Variants in OTOP1 observed in about 807,000 individuals in gnomAD.
The protein encoded by OTOP1 is proton channel OTOP1.
Under a neutral mutation model 52.9 loss-of-function variants are expected in OTOP1, and 59 were observed. That is an observed-to-expected ratio of 1.12 (90% confidence interval 0.91 to 1.39). OTOP1 has a LOEUF of 1.39. OTOP1 is among the 40% of genes most tolerant of loss of function. The pLI is 0.00. For missense variants in OTOP1, 761 were observed against 800.9 expected (o/e 0.95, Z 0.60); for synonymous variants, 317 against 337.7 (o/e 0.94, Z 0.67).
At chr4:4,215,472 A>G (rs1365444480) in intron 1 of OTOP1, among the ~76,000 whole-genome samples, 2 of 151,962 alleles carry the variant, frequency 1.3e-5, no homozygotes, top group Admixed American at 1.3e-4. Context: ...GAGCAGCCTG[A>G]CCAATGTGGA....
At position 4,226,719 on chromosome 4, in the gene OTOP1, A is replaced by G. The variant is rs1230120375; in HGVS notation, c.146T>C (p.Val49Ala). The G allele has an allele frequency of 4.2e-6, 6 of 1,412,466 alleles. No individual in the cohort carries two copies. The highest frequency in any genetic ancestry group is 1.5e-5 in the African/African-American group (1 of 67,164). The allele number at this position is 1,412,466 out of a possible 1,614,324, so 87.5% of individuals were successfully genotyped here. ...PESPAPRRGGVRASVPQKLAE... is the reference protein window; with the variant it reads ...PESPAPRRGGARASVPQKLAE... ...CAGTTTCTGTGGGACGCTGGCGCGC[A>G]CACCGCCCCGCCGGGGGGCCGGGGA... The change falls in exon 1 of 6, where the codon GTG becomes GCG. Residue 49 changes from valine to alanine, a missense_variant. Transcript: ENST00000296358.
chr4:4,199,665 C>T (rs899522661), intron 4 of OTOP1, among the ~76,000 whole-genome samples: 19 of 152,128 alleles, frequency 1.2e-4, no homozygotes, highest in African/African-American at 3.6e-4. Flanking sequence ...CGCCTGCCTC[C>T]GCCTCCCAAA....
chr4:4,216,468 G>A (rs1717154298), intron 1 of OTOP1, among the ~76,000 whole-genome samples: 1 of 152,188 alleles, frequency 6.6e-6, no homozygotes, highest in East Asian at 1.9e-4. Context: ...TTAAGGCACT[G>A]AGCAGAGAGG....
chr4:4,211,381 T>C (rs1252691820), intron 2 of OTOP1, among the ~76,000 whole-genome samples: 1 of 151,988 alleles, frequency 6.6e-6, no homozygotes, highest in Non-Finnish European at 1.5e-5. Context: ...AGGAAGAAAA[T>C]AATCATTGTG....
intron 1 of OTOP1, among the ~76,000 whole-genome samples, chr4:4,215,197 T>C (rs1234024899): frequency 6.6e-6 from 1 of 152,226 alleles, no homozygotes; most frequent in East Asian, 1.9e-4. Flanking sequence ...CTGTTCATCA[T>C]TGTACTCACC....
At position 4,213,453 on chromosome 4, in the gene OTOP1, A is replaced by G. The variant is rs535273303; in HGVS notation, c.404-449T>C. Among the ~76,000 whole-genome samples the G allele has an allele frequency of 5.8e-3, 887 of 152,358 alleles. 12 individuals are homozygous for G. The highest frequency in any genetic ancestry group is 0.02 in the African/African-American group (832 of 41,576). On this transcript the variant is annotated intron_variant, in intron 1 of 5. Coordinates refer to ENST00000296358, the MANE Select transcript of OTOP1 (RefSeq NM_177998.3). Reference sequence around the variant, plus strand: ...GACACTACCAACGAAGCGGAAAGACAGCCCACAGAACTGGAGAAAACATTA... The same window carrying G: ...GACACTACCAACGAAGCGGAAAGACGGCCCACAGAACTGGAGAAAACATTA...
In OTOP1 at chr4:4,213,329, G is replaced by T. The variant is rs565110931; in HGVS notation, c.404-325C>A. Reference sequence around the variant, plus strand: ...CATGGGAGAAAGCTTCATGACATTGGCTTTGGCAATAATTTCTTGGCTATG... The same window carrying T: ...CATGGGAGAAAGCTTCATGACATTGTCTTTGGCAATAATTTCTTGGCTATG... On this transcript the variant is annotated intron_variant, in intron 1 of 5. Coordinates refer to ENST00000296358, the MANE Select transcript of OTOP1 (RefSeq NM_177998.3). 3.9e-5 allele frequency among the ~76,000 whole-genome samples: 6 copies of T among 152,228 alleles called. No individual in the cohort carries two copies. The East Asian group carries it at 1.2e-3, about 29-fold the overall frequency.
intron 1 of OTOP1, among the ~76,000 whole-genome samples, chr4:4,223,115 A>G (rs1173050968): frequency 6.6e-6 from 1 of 152,176 alleles, no homozygotes; most frequent in Non-Finnish European, 1.5e-5. Context: ...CAACTCACTG[A>G]ATGTCTAAAC....
intron 3 of OTOP1, among the ~76,000 whole-genome samples, chr4:4,204,534 C>T (rs1716855094): frequency 6.6e-6 from 1 of 152,150 alleles, no homozygotes; most frequent in Non-Finnish European, 1.5e-5. Flanking sequence ...GCCACGCAAG[C>T]TCCCTGCAAG....
intron 4 of OTOP1, 29 bp from the exon 5 acceptor site, chr4:4,198,132 G>A: frequency 6.4e-7 from 1 of 1,571,926 alleles, no homozygotes; most frequent in East Asian, 2.2e-5. Flanking sequence ...TCACACAGGA[G>A]GGCGATTAGC....
intron 4 of OTOP1, among the ~76,000 whole-genome samples, chr4:4,199,389 G>A (rs3097980): frequency 2.6e-5 from 4 of 151,072 alleles, no homozygotes. Flanking sequence ...TTTATGGTTT[G>A]GGGTATTTTG....
At chr4:4,226,256 G>C (rs995613260) in intron 1 of OTOP1, among the ~76,000 whole-genome samples, 1 of 151,666 alleles carries the variant, frequency 6.6e-6, no homozygotes, top group Non-Finnish European at 1.5e-5. Flanking sequence ...TCTGGAGGCG[G>C]AGAGGAGGCT....
At chr4:4,213,731 G>C (rs188111658) in intron 1 of OTOP1, among the ~76,000 whole-genome samples, 2 of 152,008 alleles carry the variant, frequency 1.3e-5, no homozygotes. Flanking sequence ...ATGCTGGGTC[G>C]CTTCCACCTT....
At chr4:4,201,058 C>T (rs532765826) in intron 4 of OTOP1, among the ~76,000 whole-genome samples, 35 of 152,238 alleles carry the variant, frequency 2.3e-4, no homozygotes, top group Admixed American at 6.5e-4. Flanking sequence ...AATCATGGCT[C>T]GATCACGTGT....
At chr4:4,216,026 T>A (rs1157759234) in intron 1 of OTOP1, among the ~76,000 whole-genome samples, 1 of 152,078 alleles carries the variant, frequency 6.6e-6, no homozygotes, top group Non-Finnish European at 1.5e-5. Context: ...CTTAAACTCC[T>A]GGCCTCAAGT....
At position 4,191,177 on chromosome 4, in the gene OTOP1, C is replaced by T. The variant is rs370775555; in HGVS notation, c.1669-2204G>A. Among the ~76,000 whole-genome samples the T allele has an allele frequency of 9.5e-4, 144 of 152,240 alleles. 6 individuals are homozygous for T. The South Asian group carries it at 0.027, about 28-fold the overall frequency. On this transcript the variant is annotated intron_variant, in intron 5 of 5. Coordinates refer to ENST00000296358, the MANE Select transcript of OTOP1 (RefSeq NM_177998.3). ...CCTCCTACTCTCATAACCATGCCCC[C>T]TCCCATCCAGTCCATCAGCGCATCT... is the stretch of plus-strand genomic sequence containing the variant.
intron 3 of OTOP1, among the ~76,000 whole-genome samples, chr4:4,204,357 G>A (rs898866539): frequency 3.9e-5 from 6 of 152,086 alleles, no homozygotes; most frequent in East Asian, 1.9e-4. Flanking sequence ...TTTGACAAAC[G>A]CAGACAATGC....
At position 4,218,195 on chromosome 4, in the gene OTOP1, G is replaced by A. The variant is rs1356947283; in HGVS notation, c.404-5191C>T. Among the ~76,000 whole-genome samples, 7 of 151,612 alleles carry A rather than the reference G, an allele frequency of 4.6e-5. No individual in the cohort carries two copies. The South Asian group carries it at 1.5e-3, about 32-fold the overall frequency. On this transcript the variant is annotated intron_variant, in intron 1 of 5. Coordinates refer to ENST00000296358, the MANE Select transcript of OTOP1 (RefSeq NM_177998.3). ...TCACCTTAAGTCAGGAGTTCGAGAC[G>A]AGCCTGGCCAACATGGTGAAACCCC...
chr4:4,189,058 G>T, intron 5 of OTOP1, 85 bp from the exon 6 acceptor site: 5 of 1,320,164 alleles, frequency 3.8e-6, no homozygotes, highest in South Asian at 1.4e-5. Flanking sequence ...GGCCTCATGG[G>T]AGCTGAACCT....
Sources: gnomAD v4.1 joint callset for allele counts (sites outside exome capture counted in the v4.1 genomes callset) on GRCh38, gnomAD v4.1.1 for gene constraint, MANE v1.5 for transcripts, NCBI Gene and HGNC (gene_info 2026-07-23, HGNC 2026-07-21) for gene names.